TEX22: variants seen among roughly 807,000 people sequenced by gnomAD.
TEX22 encodes testis expressed 22, also known as testis-expressed protein 22.
In TEX22, 16 loss-of-function variants were observed where a neutral mutation model predicts 11.3. The ratio of observed to expected loss-of-function variants is 1.42; its 90% CI spans 0.96 to 2.15. TEX22 has a LOEUF of 2.15. Ranked by LOEUF, TEX22 falls within the 30% of genes most tolerant of loss-of-function variation. TEX22 has a pLI of 0.00. For missense variants in TEX22, 220 were observed against 208.6 expected, an observed-to-expected ratio of 1.05 and a Z score of -0.34; for synonymous variants, 97 against 92.3, an observed-to-expected ratio of 1.05 and a Z score of -0.29.
Position 105,402,463 on chromosome 14 carries a change from A to G in TEX22, c.150+2973A>G, listed in dbSNP as rs1303318735. ...GGAACTATGAAGTTCTTAGAAATAA[A>G]CCTGTTATTGGCCGGGTGTGGTGGC... On this transcript the variant is annotated intron_variant, in intron 2 of 3. Transcript: ENST00000451127. Among the ~76,000 whole-genome samples, 4 of 151,878 alleles carry G rather than the reference A, an allele frequency of 2.6e-5. No individual in the cohort carries two copies. The South Asian group carries it at 6.2e-4, about 24-fold the overall frequency.
intron 2 of TEX22, among the ~76,000 whole-genome samples, chr14:105,401,052 A>G (rs1555418294): frequency 3.9e-5 from 6 of 152,166 alleles, no homozygotes; most frequent in Non-Finnish European, 8.8e-5. Context: ...AATCCTGAGT[A>G]AGTACTAGAC....
chr14:105,411,598 C>G (rs936844593), intron 3 of TEX22, 62 bp from the exon 4 acceptor site: 56 of 1,474,214 alleles, frequency 3.8e-5, no homozygotes, highest in Non-Finnish European at 4.8e-5. Context: ...CCCCGGCGCT[C>G]CCGGGCCCCG....
chr14:105,401,503 G>T (rs926548473), intron 2 of TEX22, among the ~76,000 whole-genome samples: 1 of 145,410 alleles, frequency 6.9e-6, no homozygotes, highest in Non-Finnish European at 1.5e-5. Context: ...GATGCTGCAT[G>T]TTCTCACTCA....
chr14:105,408,387 A>C (rs1319841699), intron 2 of TEX22, among the ~76,000 whole-genome samples: 3 of 150,406 alleles, frequency 2.0e-5, no homozygotes, highest in African/African-American at 7.4e-5. Flanking sequence ...GACTACAGGC[A>C]CCCACCACCA....
chr14:105,402,069 C>T (rs2081630135), intron 2 of TEX22, among the ~76,000 whole-genome samples: 1 of 152,058 alleles, frequency 6.6e-6, no homozygotes, highest in Admixed American at 6.6e-5. Context: ...GCCTATAATC[C>T]CAGCTACTTG....
intron 2 of TEX22, among the ~76,000 whole-genome samples, chr14:105,407,542 AT>A: frequency 6.6e-6 from 1 of 151,310 alleles, no homozygotes; most frequent in East Asian, 2.0e-4. Context: ...CCAGCTAATT[AT>A]TTTTTGTAGA....
rs758617043 is a variant in TEX22, at chr14:105,402,542, C to G, written c.150+3052C>G. Among the ~76,000 whole-genome samples, 21 of 152,058 alleles carry G rather than the reference C, an allele frequency of 1.4e-4. 1 individual carries two copies. In the South Asian group the frequency reaches 1.7e-3, roughly 12 times the overall value. On this transcript the variant is annotated intron_variant, in intron 2 of 3. Transcript: ENST00000451127. ...GGCTGGGGCGGGCAGATCACAAGGT[C>G]TGGAGATCAAGACCATCCTGGCTAA...
Position 105,399,333 on chromosome 14 carries a change from G to A in TEX22, c.-8G>A, listed in dbSNP as rs1440705048. The A allele has an allele frequency of 2.6e-6, 4 of 1,535,096 alleles. No individual in the cohort carries two copies. Among genetic ancestry groups the A allele is most frequent in the South Asian group, 1.2e-5 (1 of 83,992 alleles). On this transcript the variant is annotated 5_prime_UTR_variant, in exon 2 of 4. Coordinates refer to ENST00000451127, the MANE Select transcript of TEX22 (RefSeq NM_001195082.2). ...GAGGTGTGGACAAGCAGCCTACTAGGGCTAGAGATGGACAGCAGGAAACTG... is the reference window on the plus strand; with the variant it reads ...GAGGTGTGGACAAGCAGCCTACTAGAGCTAGAGATGGACAGCAGGAAACTG...
At chr14:105,399,535 G>A in intron 2 of TEX22, 45 bp downstream of exon 2, 2 of 1,484,698 alleles carry the variant, frequency 1.3e-6, no homozygotes, top group Non-Finnish European at 8.9e-7. Context: ...CCTGTCCCCA[G>A]CCCGCCTGAG....
chr14:105,408,912 TG>T (rs1434974040), intron 2 of TEX22, among the ~76,000 whole-genome samples: 1 of 152,160 alleles, frequency 6.6e-6, no homozygotes. Flanking sequence ...GCCTTTGTGC[TG>T]TTTTCCCTGG....
chr14:105,399,218 A>T, intron 1 of TEX22, 84 bp from the exon 2 acceptor site: 1 of 777,708 alleles, frequency 1.3e-6, no homozygotes, highest in Non-Finnish European at 2.0e-6. Flanking sequence ...TACTGCCACC[A>T]TCTGCCCCCA....
intron 2 of TEX22, among the ~76,000 whole-genome samples, chr14:105,407,926 GTCTGTCTGTGTTATGGGGC>G (rs2081667010): frequency 6.8e-6 from 1 of 147,028 alleles, no homozygotes; most frequent in Non-Finnish European, 1.5e-5. Flanking sequence ...CTGCATGGGG[GTCTGTCTGTGTTATGGGGC>G]TCTATCTGCA....
At position 105,411,676 on chromosome 14, in the gene TEX22, T is replaced by G; in HGVS notation, c.296T>G (p.Val99Gly). 6.5e-7 allele frequency: 1 copy of G among 1,531,478 alleles called. No homozygotes were observed. Among genetic ancestry groups the G allele is most frequent in the Non-Finnish European group, 8.7e-7 (1 of 1,144,624 alleles). The allele number at this position is 1,531,478 out of a possible 1,614,324, so 94.9% of individuals were successfully genotyped here. ...CGCCCGCAGGACGTCGTGCAGATGG[T>G]AGCCCAGCTGGTGTCGGAGGACGTG... ...QLHCRDVVQMVAQLVSEDVDK... is the reference protein window; with the variant it reads ...QLHCRDVVQMGAQLVSEDVDK... Residue 99 changes from valine to glycine, a missense_variant, in exon 4 of 4, where the codon GTA becomes GGA. Physicochemically the swap from Val to Gly is moderately radical, Grantham distance 109 (BLOSUM62 -3). Transcript: ENST00000451127.
At chr14:105,410,923 T>C (rs1653179948) in intron 2 of TEX22, among the ~76,000 whole-genome samples, 1 of 152,140 alleles carries the variant, frequency 6.6e-6, no homozygotes, top group Non-Finnish European at 1.5e-5. Context: ...TGGTCTTTTG[T>C]CTATGGATTC....
intron 2 of TEX22, among the ~76,000 whole-genome samples, chr14:105,408,154 C>G (rs775235832): frequency 1.3e-5 from 2 of 152,140 alleles, no homozygotes; most frequent in Non-Finnish European, 2.9e-5. Flanking sequence ...TCCCCAAAGC[C>G]ACTCTCAGCC....
chr14:105,399,223 C>T (rs2081608392), intron 1 of TEX22, 79 bp from the exon 2 acceptor site: 4 of 810,952 alleles, frequency 4.9e-6, no homozygotes, highest in Non-Finnish European at 7.7e-6. Flanking sequence ...CCACCATCTG[C>T]CCCCAGGGAC....
intron 2 of TEX22, among the ~76,000 whole-genome samples, chr14:105,405,489 A>C (rs376985907): frequency 4.7e-4 from 72 of 152,352 alleles, no homozygotes; most frequent in African/African-American, 1.7e-3. Flanking sequence ...AAACAACCAA[A>C]TTCAGCGGTA....
In TEX22 at chr14:105,412,183, C is replaced by T. The variant is rs773090567; in HGVS notation, c.*350C>T. 4.7e-4 allele frequency: 97 copies of T among 206,994 alleles called. No individual in the cohort carries two copies. The highest frequency in any genetic ancestry group is 1.5e-3 in the Middle Eastern group (1 of 666). The allele number at this position is 206,994 out of a possible 1,614,324, so 12.8% of individuals were successfully genotyped here. A position where few individuals can be genotyped will look rare whatever the true frequency, so the allele number is the denominator to read the frequency against. ...CTGGTGTCCTGGGAAGCCCCAGTGG[C>T]AGGCGCTGCCTGGAGACTCAGCTCC... On this transcript the variant is annotated 3_prime_UTR_variant, in exon 4 of 4. Transcript: ENST00000451127. The surrounding 1 kb of genome is among the most constrained non-coding windows in gnomAD (Gnocchi z 5.8).
chr14:105,398,846 C>T (rs1019837999), intron 1 of TEX22, among the ~76,000 whole-genome samples: 1 of 152,224 alleles, frequency 6.6e-6, no homozygotes, highest in Non-Finnish European at 1.5e-5. Flanking sequence ...CGGGCTGGGC[C>T]TGGGGCGAGG....
Sources: gnomAD v4.1 joint callset for allele counts (sites outside exome capture counted in the v4.1 genomes callset) on GRCh38, gnomAD v4.1.1 for gene constraint, Gnocchi (gnomAD v3.1) non-coding constraint, MANE v1.5 for transcripts, NCBI Gene and HGNC (gene_info 2026-07-23, HGNC 2026-07-21) for gene names.